Variants in CTNNA1 observed in about 807,000 individuals in gnomAD.
CTNNA1 encodes catenin alpha-1.
Under a neutral mutation model 98.4 loss-of-function variants are expected in CTNNA1, and 37 were observed. The ratio of observed to expected loss-of-function variants is 0.38; its 90% CI spans 0.29 to 0.49. The LOEUF (loss-of-function observed/expected upper bound fraction) is 0.49, where lower values mean the gene tolerates loss of function less well. Among genes scored for constraint, CTNNA1 ranks in the 20% least tolerant of loss-of-function variants. The pLI is 0.95. For synonymous variants in CTNNA1, 404 were observed against 413.2 expected (o/e 0.98, Z 0.27); for missense variants, 761 against 1,147.2 (o/e 0.66, Z 4.86).
intron 7 of CTNNA1, among the ~76,000 whole-genome samples, chr5:138,853,957 A>G (rs1763481750): frequency 6.6e-6 from 1 of 152,142 alleles, no homozygotes; most frequent in Non-Finnish European, 1.5e-5. Context: ...GACCATTTTA[A>G]TTGTTTAAGA....
At chr5:138,825,482 G>GTTTTTTTTTTTGTTTTTTT (rs1554085134) in intron 6 of CTNNA1, among the ~76,000 whole-genome samples, 2 of 74,114 alleles carry the variant, frequency 2.7e-5, no homozygotes, top group African/African-American at 1.2e-4. Context: ...AGCAGTATAA[G>GTTTTTTTTTTTGTTTTTTT]TTTTTTTTTT....
At chr5:138,906,782 T>C (rs1759353505) in intron 10 of CTNNA1, among the ~76,000 whole-genome samples, 1 of 152,192 alleles carries the variant, frequency 6.6e-6, no homozygotes, top group Non-Finnish European at 1.5e-5. Context: ...AAAAAAACCA[T>C]GTTTTTTCAA....
chr5:138,865,432 C>T (rs150682889), intron 7 of CTNNA1, among the ~76,000 whole-genome samples: 2 of 152,310 alleles, frequency 1.3e-5, no homozygotes, highest in Non-Finnish European at 2.9e-5. Context: ...CTTAGAGGGA[C>T]AGTCCAACGT....
At chr5:138,856,559 C>G (rs1417281451) in intron 7 of CTNNA1, among the ~76,000 whole-genome samples, 5 of 152,168 alleles carry the variant, frequency 3.3e-5, no homozygotes, top group African/African-American at 1.2e-4. Context: ...CCAGGCTGGT[C>G]TCAAACTCCT....
intron 8 of CTNNA1, among the ~76,000 whole-genome samples, chr5:138,886,944 A>G (rs1328559638): frequency 6.6e-6 from 1 of 152,156 alleles, no homozygotes; most frequent in Non-Finnish European, 1.5e-5. Flanking sequence ...TTTATTGCTT[A>G]TGTCTGATAT....
At chr5:138,890,868 C>T (rs1414523052) in intron 9 of CTNNA1, among the ~76,000 whole-genome samples, 1 of 152,166 alleles carries the variant, frequency 6.6e-6, no homozygotes, top group African/African-American at 2.4e-5. Flanking sequence ...TCCAAAGATT[C>T]AGAGGTTTCC....
intron 9 of CTNNA1, among the ~76,000 whole-genome samples, chr5:138,888,060 A>G (rs1754476533): frequency 6.6e-6 from 1 of 152,222 alleles, no homozygotes; most frequent in South Asian, 2.1e-4. Context: ...GATAATATCT[A>G]TCTTGGGATT....
intron 3 of CTNNA1, among the ~76,000 whole-genome samples, chr5:138,799,392 T>TC (rs1384653946): frequency 6.6e-6 from 1 of 152,164 alleles, no homozygotes; most frequent in Non-Finnish European, 1.5e-5. Context: ...ACTCCTGACT[T>TC]CAGGTGATCC....
intron 7 of CTNNA1, among the ~76,000 whole-genome samples, chr5:138,845,262 A>G (rs1762606830): frequency 1.3e-5 from 2 of 152,350 alleles, no homozygotes; most frequent in East Asian, 3.9e-4. Flanking sequence ...AGACAGTGAC[A>G]CATTAAGGAC....
intron 7 of CTNNA1, among the ~76,000 whole-genome samples, chr5:138,837,580 C>CTCTCTCT (rs955909791): frequency 2.1e-5 from 3 of 141,154 alleles, no homozygotes; most frequent in African/African-American, 7.9e-5. Flanking sequence ...CTCCTCTCTC[C>CTCTCTCT]TCTCTCTTCT....
intron 3 of CTNNA1, among the ~76,000 whole-genome samples, chr5:138,803,440 G>A (rs1334437270): frequency 1.3e-5 from 2 of 152,188 alleles, no homozygotes; most frequent in South Asian, 2.1e-4. Flanking sequence ...ACAGATGTGA[G>A]CCACCGTGTC....
intron 9 of CTNNA1, among the ~76,000 whole-genome samples, chr5:138,891,669 G>A (rs566073414): frequency 2.0e-5 from 3 of 152,310 alleles, no homozygotes; most frequent in African/African-American, 7.2e-5. Flanking sequence ...CAAGGTAGGA[G>A]AATTGCTTGA....
chr5:138,849,607 T>C (rs1763015801), intron 7 of CTNNA1, among the ~76,000 whole-genome samples: 2 of 152,188 alleles, frequency 1.3e-5, no homozygotes, highest in African/African-American at 4.8e-5. Flanking sequence ...GCACGTGCGC[T>C]GGCTGGTATC....
chr5:138,846,033 T>C (rs947870357), intron 7 of CTNNA1, among the ~76,000 whole-genome samples: 2 of 152,136 alleles, frequency 1.3e-5, no homozygotes, highest in East Asian at 3.9e-4. Context: ...TTCAAGCGAT[T>C]CTCCTGCCTC....
chr5:138,878,557 C>G (rs1752170940), intron 7 of CTNNA1, among the ~76,000 whole-genome samples: 1 of 152,168 alleles, frequency 6.6e-6, no homozygotes, highest in Non-Finnish European at 1.5e-5. Flanking sequence ...AACCTGTCTC[C>G]TCTCTGTAAA....
intron 10 of CTNNA1, among the ~76,000 whole-genome samples, chr5:138,912,271 G>C (rs1258127789): frequency 6.6e-6 from 1 of 152,132 alleles, no homozygotes; most frequent in Non-Finnish European, 1.5e-5. Flanking sequence ...AAAAAAAGCG[G>C]GGGAGTTTCT....
At chr5:138,896,935 T>G (rs1455447946) in intron 9 of CTNNA1, among the ~76,000 whole-genome samples, 1 of 152,236 alleles carries the variant, frequency 6.6e-6, no homozygotes, top group Non-Finnish European at 1.5e-5. Flanking sequence ...TGTGAGCAGC[T>G]TAAACAGCCA....
At chr5:138,805,064 A>G (rs1286601073) in intron 3 of CTNNA1, among the ~76,000 whole-genome samples, 4 of 152,010 alleles carry the variant, frequency 2.6e-5, no homozygotes, top group African/African-American at 2.4e-5. Flanking sequence ...GGAGCAAGAG[A>G]GGGGGTGGGA....
intron 7 of CTNNA1, chr5:138,827,958 C>G: frequency 2.0e-6 from 1 of 511,314 alleles, no homozygotes; most frequent in Non-Finnish European, 3.5e-6. Flanking sequence ...GGAAATTTAT[C>G]TGTATTCATC....
Sources: gnomAD v4.1 joint callset for allele counts (sites outside exome capture counted in the v4.1 genomes callset) on GRCh38, gnomAD v4.1.1 for gene constraint, MANE v1.5 for transcripts, NCBI Gene and HGNC (gene_info 2026-07-23, HGNC 2026-07-21) for gene names.